The following ANKIB1 variants were observed in gnomAD, a reference collection of about 807,000 sequenced individuals.
The protein encoded by ANKIB1 is ankyrin repeat and IBR domain containing 1, also known as ankyrin repeat and IBR domain-containing protein 1.
Under a neutral mutation model 122.1 loss-of-function variants are expected in ANKIB1, and 43 were observed. That is an observed-to-expected ratio of 0.35 (90% CI 0.28 to 0.45). The LOEUF (loss-of-function observed/expected upper bound fraction) is 0.45. Ranked by LOEUF, ANKIB1 falls within the 20% of genes least tolerant of loss-of-function variation. The pLI, the probability that ANKIB1 is intolerant of heterozygous loss-of-function variation, is 1.00. For synonymous variants in ANKIB1, 390 were observed against 442.0 expected (o/e 0.88, Z 1.48); for missense variants, 992 against 1,329.5 (o/e 0.75, Z 3.95).
chr7:92,397,813 G>C lies in ANKIB1; in HGVS notation c.2486G>C (p.Arg829Pro). Reference sequence around the variant, plus strand: ...AGTGTGCTGCACAGCTCTTCCCTGCGTGACTACACCCCTGCCAGTCGCTCT... The same window carrying C: ...AGTGTGCTGCACAGCTCTTCCCTGCCTGACTACACCCCTGCCAGTCGCTCT... The part of the protein sequence containing the change: ...SMSVLHSSSL[R>P]DYTPASRSEN... Residue 829 changes from arginine (R) to proline (P), a missense_variant, in exon 19 of 20, where the codon CGT becomes CCT. By Grantham distance (103) the Arg-to-Pro change is moderately radical. Around this residue, in one of 4 missense-constraint regions of ANKIB1, gnomAD observed 384 missense variants for 412.0 expected, o/e 0.93. Transcript: ENST00000265742. The C allele has an allele frequency of 6.2e-7, 1 of 1,607,548 alleles. No individual in the cohort carries two copies. The highest frequency in any genetic ancestry group is 8.5e-7 in the Non-Finnish European group (1 of 1,178,084).
intron 7 of ANKIB1, among the ~76,000 whole-genome samples, chr7:92,345,798 C>CTT (rs74719510): frequency 1.4e-5 from 2 of 144,546 alleles, no homozygotes; most frequent in Non-Finnish European, 3.1e-5. Context: ...AGTTTTTAAC[C>CTT]TTTTTTTTTT....
chr7:92,306,090 CCTT>C (rs1802556804), intron 2 of ANKIB1, among the ~76,000 whole-genome samples: 1 of 122,060 alleles, frequency 8.2e-6, no homozygotes, highest in African/African-American at 3.1e-5. Flanking sequence ...TTAATACAAG[CCTT>C]CTTCTATAAC....
intron 11 of ANKIB1, among the ~76,000 whole-genome samples, chr7:92,376,707 C>T (rs1437268313): frequency 6.6e-6 from 1 of 152,152 alleles, no homozygotes; most frequent in Non-Finnish European, 1.5e-5. Context: ...CCTAGGCCTT[C>T]CAGAGTGCTA....
intron 11 of ANKIB1, among the ~76,000 whole-genome samples, chr7:92,382,306 C>T (rs1804534723): frequency 6.6e-6 from 1 of 152,188 alleles, no homozygotes; most frequent in Non-Finnish European, 1.5e-5. Flanking sequence ...TTTAACACCC[C>T]ACTGTCAATA....
chr7:92,397,918 T>C, intron 19 of ANKIB1, 59 bp downstream of exon 19: 1 of 1,548,108 alleles, frequency 6.5e-7, no homozygotes, highest in Non-Finnish European at 8.6e-7. Flanking sequence ...CTGAGTGTGG[T>C]TTCCTGTTGT....
At chr7:92,376,198 G>C (rs1289613991) in intron 11 of ANKIB1, among the ~76,000 whole-genome samples, 2 of 152,136 alleles carry the variant, frequency 1.3e-5, no homozygotes, top group Non-Finnish European at 2.9e-5. Context: ...TCAACTTAAA[G>C]TAACTGGCTG....
intron 11 of ANKIB1, among the ~76,000 whole-genome samples, chr7:92,377,076 G>T (rs1400057783): frequency 6.6e-6 from 1 of 152,166 alleles, no homozygotes; most frequent in African/African-American, 2.4e-5. Flanking sequence ...ACTGACACAA[G>T]AAGCCTAGCT....
chr7:92,261,654 A>G (rs1377848262), intron 1 of ANKIB1, among the ~76,000 whole-genome samples: 2 of 152,154 alleles, frequency 1.3e-5, no homozygotes, highest in African/African-American at 4.8e-5. Flanking sequence ...GATTGAGAGT[A>G]TTGTTCCTGT....
intron 7 of ANKIB1, among the ~76,000 whole-genome samples, chr7:92,348,918 C>T (rs577118494): frequency 6.6e-6 from 1 of 152,278 alleles, no homozygotes; most frequent in East Asian, 1.9e-4. Flanking sequence ...AATGGGTAGT[C>T]ATTGTGGCCC....
intron 1 of ANKIB1, among the ~76,000 whole-genome samples, chr7:92,280,763 T>A (rs961227032): frequency 2.0e-5 from 3 of 152,210 alleles, no homozygotes; most frequent in East Asian, 1.9e-4. Flanking sequence ...CTGACAACTT[T>A]TATCTCTCAT....
intron 1 of ANKIB1, among the ~76,000 whole-genome samples, chr7:92,278,506 G>A (rs890051929): frequency 6.6e-6 from 1 of 152,110 alleles, no homozygotes; most frequent in Admixed American, 6.5e-5. Flanking sequence ...CCAGGTTTTT[G>A]TTTTATGTCT....
Position 92,398,629 on chromosome 7 carries a change from A to G in ANKIB1, c.2950A>G (p.Ser984Gly). The stretch of plus-strand genomic sequence containing the variant: ...TTGGTTTCATGACATGAACCCTCAG[A>G]GTATTGCCCTGATTCCTCCAGCAAC... ...MAWFHDMNPQ[S>G]IALIPPATTE... is the part of the protein sequence containing the mutation. Residue 984 changes from serine (S) to glycine (G), a missense_variant, in exon 20 of 20, where the codon AGT becomes GGT. Around this residue, in one of 4 missense-constraint regions of ANKIB1, gnomAD observed 384 missense variants for 412.0 expected, o/e 0.93. Transcript: ENST00000265742. The G allele has an allele frequency of 6.2e-7, 1 of 1,613,980 alleles. No homozygotes were observed. The highest frequency in any genetic ancestry group is 8.5e-7 in the Non-Finnish European group (1 of 1,179,866).
chr7:92,267,820 G>A (rs1398688712), intron 1 of ANKIB1, among the ~76,000 whole-genome samples: 3 of 152,254 alleles, frequency 2.0e-5, no homozygotes, highest in Non-Finnish European at 2.9e-5. Flanking sequence ...ATATTGATAG[G>A]TGATCTAGGC....
chr7:92,398,842 G>C lies in ANKIB1; in HGVS notation c.3163G>C (p.Ala1055Pro). Reference protein sequence around the residue: ...NILAGEAASQAGDSGNEAANR... With the variant: ...NILAGEAASQPGDSGNEAANR... ...TCTGGCGGGGGAAGCAGCATCTCAA[G>C]CTGGTGACAGTGGTAACGAGGCAGC... Residue 1055 changes from alanine to proline, a missense_variant, in exon 20 of 20, where the codon GCT becomes CCT. Coordinates refer to ENST00000265742, the MANE Select transcript of ANKIB1 (RefSeq NM_019004.2). The C allele has an allele frequency of 6.2e-7, 1 of 1,604,404 alleles. No homozygotes were observed. Among genetic ancestry groups the C allele is most frequent in the Admixed American group, 1.7e-5 (1 of 58,392 alleles).
chr7:92,260,502 G>C (rs1331866361), intron 1 of ANKIB1, among the ~76,000 whole-genome samples: 1 of 152,080 alleles, frequency 6.6e-6, no homozygotes. Context: ...AACATGATGA[G>C]ACCTCCCCTC....
At chr7:92,251,457 A>C (rs1291766676) in intron 1 of ANKIB1, among the ~76,000 whole-genome samples, 1 of 152,198 alleles carries the variant, frequency 6.6e-6, no homozygotes, top group Non-Finnish European at 1.5e-5. Flanking sequence ...TTGCTGTATC[A>C]CTAGATGTTC....
chr7:92,282,511 A>G (rs754312235), intron 1 of ANKIB1, among the ~76,000 whole-genome samples: 3 of 152,190 alleles, frequency 2.0e-5, no homozygotes, highest in Non-Finnish European at 4.4e-5. Flanking sequence ...TAATTCCAAG[A>G]TAAACCCTTC....
At chr7:92,354,447 C>T (rs1803742654) in intron 9 of ANKIB1, among the ~76,000 whole-genome samples, 1 of 152,128 alleles carries the variant, frequency 6.6e-6, no homozygotes, top group East Asian at 1.9e-4. Flanking sequence ...TAATTATTTA[C>T]TCTTTCTCCT....
Position 92,398,991 on chromosome 7 carries a change from G to A in ANKIB1, c.*42G>A. 4.7e-6 allele frequency: 7 copies of A among 1,500,626 alleles called. No individual in the cohort carries two copies. The highest frequency in any genetic ancestry group is 6.2e-6 in the Non-Finnish European group (7 of 1,125,178). 93.0% of individuals were successfully genotyped at this position (1,500,626 alleles called of 1,614,324 possible). Reference sequence around the variant, plus strand: ...CTCTAAATGAATTACAGGTACAGATGGTATGCTAGGTGGAGTATGCTTGAT... The same window carrying A: ...CTCTAAATGAATTACAGGTACAGATAGTATGCTAGGTGGAGTATGCTTGAT... On this transcript the variant is annotated 3_prime_UTR_variant, in exon 20 of 20. Transcript: ENST00000265742.
Sources: allele counts gnomAD v4.1 joint callset (sites outside exome capture counted in the v4.1 genomes callset), GRCh38; gene constraint gnomAD v4.1.1; regional missense constraint gnomAD v4.1.1; transcripts MANE v1.5; gene names NCBI Gene and HGNC (gene_info 2026-07-23, HGNC 2026-07-21).